DLG2: variants seen among roughly 807,000 people sequenced by gnomAD.
DLG2 encodes the protein disks large homolog 2.
Under a neutral mutation model 132.5 loss-of-function variants are expected in DLG2, and 45 were observed. The observed-to-expected ratio is 0.34, with a 90% CI of 0.27 to 0.44. The LOEUF (loss-of-function observed/expected upper bound fraction) is 0.44. Ranked by LOEUF, DLG2 falls within the 20% of genes least tolerant of loss-of-function variation. The pLI is 1.00. For missense variants in DLG2, 1,045 were observed against 1,196.9 expected, an observed-to-expected ratio of 0.87 and a Z score of 1.87; for synonymous variants, 424 against 419.6, an observed-to-expected ratio of 1.01 and a Z score of -0.13.
chr11:84,013,762 G>A (rs567688071), intron 11 of DLG2, among the ~76,000 whole-genome samples: 1 of 151,762 alleles, frequency 6.6e-6, no homozygotes, highest in South Asian at 2.1e-4. Context: ...AGCTACTTGG[G>A]AGGCTGAGGC....
At chr11:84,884,424 G>A (rs1349616563) in intron 6 of DLG2, among the ~76,000 whole-genome samples, 1 of 152,030 alleles carries the variant, frequency 6.6e-6, no homozygotes, top group Non-Finnish European at 1.5e-5. Flanking sequence ...TATGCTACTT[G>A]AATTCAATTA....
Position 84,992,938 on chromosome 11 carries a change from G to A in DLG2, c.357+118723C>T, listed in dbSNP as rs978508565. ...TCCCATTACTAGGTATATACCTAAA[G>A]GATTATAAATCATTCCACTGTACAG... On this transcript the variant is annotated intron_variant, in intron 6 of 27. Coordinates refer to ENST00000376104, the MANE Select transcript of DLG2 (RefSeq NM_001142699.3). 3.9e-5 allele frequency among the ~76,000 whole-genome samples: 6 copies of A among 152,142 alleles called. No individual in the cohort carries two copies. In the East Asian group the frequency reaches 1.2e-3, roughly 29 times the overall value.
At chr11:84,803,388 A>G (rs2075645139) in intron 6 of DLG2, among the ~76,000 whole-genome samples, 1 of 152,240 alleles carries the variant, frequency 6.6e-6, no homozygotes, top group African/African-American at 2.4e-5. Flanking sequence ...ATAGGAGACT[A>G]TGAATAGAGA....
At chr11:83,985,275 A>C (rs561948401) in intron 11 of DLG2, among the ~76,000 whole-genome samples, 1 of 152,164 alleles carries the variant, frequency 6.6e-6, no homozygotes, top group African/African-American at 2.4e-5. Context: ...TCCCTTCATT[A>C]GCTAATTTTT....
At chr11:85,286,914 G>T (rs1236082554) in intron 3 of DLG2, among the ~76,000 whole-genome samples, 1 of 152,064 alleles carries the variant, frequency 6.6e-6, no homozygotes, top group Non-Finnish European at 1.5e-5. Flanking sequence ...AAACAACCCT[G>T]CTACAGTGGG....
chr11:84,502,294 CTT>C (rs1399049739), intron 7 of DLG2, among the ~76,000 whole-genome samples: 1 of 2,598 alleles, frequency 3.8e-4, no homozygotes, highest in African/African-American at 4.1e-3. Context: ...TTCTTTCTTT[CTT>C]TCTTTCTTTC....
At chr11:83,872,482 T>C (rs1210215799) in intron 16 of DLG2, among the ~76,000 whole-genome samples, 2 of 152,168 alleles carry the variant, frequency 1.3e-5, no homozygotes, top group Non-Finnish European at 2.9e-5. Context: ...GTTGGGACAA[T>C]AGATCACTAT....
At chr11:84,948,215 A>C (rs933748602) in intron 6 of DLG2, among the ~76,000 whole-genome samples, 3 of 152,250 alleles carry the variant, frequency 2.0e-5, no homozygotes, top group African/African-American at 4.8e-5. Flanking sequence ...TTCCCATAGC[A>C]GACTAACTTC....
At chr11:84,976,143 A>C (rs2054871158) in intron 6 of DLG2, among the ~76,000 whole-genome samples, 1 of 152,136 alleles carries the variant, frequency 6.6e-6, no homozygotes, top group African/African-American at 2.4e-5. Flanking sequence ...ATTATGTCTT[A>C]TGACTCCTTT....
intron 8 of DLG2, among the ~76,000 whole-genome samples, chr11:84,208,929 T>A (rs1218310189): frequency 1.3e-5 from 2 of 152,186 alleles, no homozygotes; most frequent in Non-Finnish European, 2.9e-5. Flanking sequence ...AGAATAGAAC[T>A]GGAGTATAGT....
At chr11:83,589,321 G>T (rs1200054211) in intron 19 of DLG2, among the ~76,000 whole-genome samples, 2 of 147,190 alleles carry the variant, frequency 1.4e-5, no homozygotes, top group Non-Finnish European at 3.0e-5. Flanking sequence ...CCAGAAGAGA[G>T]TGGGGGCCAA....
chr11:83,640,341 G>A (rs1277422912), intron 18 of DLG2, among the ~76,000 whole-genome samples: 1 of 152,184 alleles, frequency 6.6e-6, no homozygotes, highest in Non-Finnish European at 1.5e-5. Flanking sequence ...TGTCAATGGT[G>A]TGTAGTCTGT....
At chr11:83,882,031 A>T (rs113771808) in intron 15 of DLG2, among the ~76,000 whole-genome samples, 1 of 152,112 alleles carries the variant, frequency 6.6e-6, no homozygotes, top group African/African-American at 2.4e-5. Flanking sequence ...ATTCTTACCT[A>T]CATTTAAAGA....
chr11:83,569,203 T>C (rs1313576581), intron 19 of DLG2, among the ~76,000 whole-genome samples: 4 of 139,924 alleles, frequency 2.9e-5, no homozygotes, highest in African/African-American at 8.0e-5. Context: ...TTTATGCTGT[T>C]TTTTTTAATT....
At chr11:83,764,420 A>G (rs890687806) in intron 18 of DLG2, among the ~76,000 whole-genome samples, 2 of 152,184 alleles carry the variant, frequency 1.3e-5, no homozygotes, top group Non-Finnish European at 2.9e-5. Context: ...AGTGGTGCTG[A>G]AAAGAAATGG....
At chr11:84,917,635 T>A (rs534747893) in intron 6 of DLG2, among the ~76,000 whole-genome samples, 61 of 152,192 alleles carry the variant, frequency 4.0e-4, no homozygotes, top group Non-Finnish European at 8.4e-4. Context: ...TAGTCTAGGG[T>A]CCATACTAAG....
intron 9 of DLG2, among the ~76,000 whole-genome samples, chr11:84,099,913 C>A (rs61897627): frequency 0.59 from 52 of 88 alleles, 25 homozygotes; most frequent in African/African-American, 0.68. Context: ...ATATCTAAAG[C>A]GATATATATA....
chr11:84,150,323 C>T (rs1184885792), intron 9 of DLG2, among the ~76,000 whole-genome samples: 1 of 152,078 alleles, frequency 6.6e-6, no homozygotes, highest in Non-Finnish European at 1.5e-5. Flanking sequence ...GTGGCTACTA[C>T]TGTATCCTGC....
intron 19 of DLG2, among the ~76,000 whole-genome samples, chr11:83,547,384 G>C (rs138337583): frequency 1.4e-4 from 22 of 152,220 alleles, no homozygotes; most frequent in Non-Finnish European, 2.8e-4. Flanking sequence ...ATCTTGAGAA[G>C]GGGAGATTAT....
Sources: gnomAD v4.1 joint callset for allele counts (sites outside exome capture counted in the v4.1 genomes callset) on GRCh38, gnomAD v4.1.1 for gene constraint, MANE v1.5 for transcripts, NCBI Gene and HGNC (gene_info 2026-07-23, HGNC 2026-07-21) for gene names.